Variants in PRORP observed in about 807,000 individuals in gnomAD.
The protein encoded by PRORP is protein only RNase P catalytic subunit.
In PRORP, 51 loss-of-function variants were observed where a neutral mutation model predicts 59.4. The ratio of observed to expected loss-of-function variants is 0.86; its 90% confidence interval spans 0.69 to 1.08. PRORP has a LOEUF of 1.08. Among genes scored for constraint, PRORP ranks in the 50% least tolerant of loss-of-function variants. PRORP has a pLI of 0.00. For missense variants in PRORP, 646 were observed against 690.3 expected (o/e 0.94, Z 0.72); for synonymous variants, 231 against 245.6 (o/e 0.94, Z 0.55).
intron 4 of PRORP, among the ~76,000 whole-genome samples, chr14:35,131,841 C>CT (rs1239696768): frequency 2.7e-5 from 4 of 146,948 alleles, no homozygotes; most frequent in African/African-American, 1.0e-4. Flanking sequence ...CCAATCCTTT[C>CT]TTTTTTTCTT....
chr14:35,213,076 C>T (rs1334808288), intron 5 of PRORP, among the ~76,000 whole-genome samples: 1 of 152,186 alleles, frequency 6.6e-6, no homozygotes, highest in Non-Finnish European at 1.5e-5. Context: ...AGCTTTTCTT[C>T]TGCAGCTTTC....
intron 5 of PRORP, chr14:35,262,921 C>G: frequency 6.3e-7 from 1 of 1,585,048 alleles, no homozygotes; most frequent in South Asian, 1.1e-5. Flanking sequence ...GAGCTTGTTT[C>G]CAATTTAGAG....
At chr14:35,223,456 C>CTTTT (rs5807819) in intron 5 of PRORP, among the ~76,000 whole-genome samples, 3 of 81,456 alleles carry the variant, frequency 3.7e-5, no homozygotes, top group Non-Finnish European at 7.1e-5. Context: ...TAGACTTTAA[C>CTTTT]TTTTTTTTTT....
chr14:35,169,655 C>G (rs80278420), intron 4 of PRORP, among the ~76,000 whole-genome samples: 1 of 152,026 alleles, frequency 6.6e-6, no homozygotes, highest in East Asian at 1.9e-4. Flanking sequence ...TGGAAGAAAC[C>G]ACCCCCATAA....
intron 5 of PRORP, among the ~76,000 whole-genome samples, chr14:35,200,623 C>A (rs2049124416): frequency 1.3e-5 from 2 of 151,380 alleles, no homozygotes; most frequent in Non-Finnish European, 2.9e-5. Flanking sequence ...GAATAATTGA[C>A]TTTTATGATA....
chr14:35,224,887 C>CA lies in PRORP; in HGVS notation c.1276-41840_1276-41839insA, dbSNP rs2049894098. On this transcript the variant is annotated intron_variant, in intron 5 of 7. Coordinates refer to ENST00000534898, the MANE Select transcript of PRORP (RefSeq NM_014672.4). ...TTTGTGTATATTTGACAATGAACTC[C>CA]TTTTTTTTTTGGTCACATGTGTTCT... Among the ~76,000 whole-genome samples, 3 of 147,878 alleles carry CA rather than the reference C, an allele frequency of 2.0e-5. No individual in the cohort carries two copies. The South Asian group carries it at 6.4e-4, about 32-fold the overall frequency.
chr14:35,226,651 A>G (rs2049941884), intron 5 of PRORP, among the ~76,000 whole-genome samples: 1 of 152,212 alleles, frequency 6.6e-6, no homozygotes, highest in African/African-American at 2.4e-5. Flanking sequence ...TGGCAACTTT[A>G]CTGTGACGAG....
intron 5 of PRORP, among the ~76,000 whole-genome samples, chr14:35,241,239 A>G (rs2138544137): frequency 6.6e-6 from 1 of 152,126 alleles, no homozygotes; most frequent in South Asian, 2.1e-4. Flanking sequence ...TTAGTGGGGT[A>G]TGGTGGCACA....
At chr14:35,174,517 G>A (rs1003839658) in intron 4 of PRORP, among the ~76,000 whole-genome samples, 2 of 152,106 alleles carry the variant, frequency 1.3e-5, no homozygotes, top group East Asian at 1.9e-4. Context: ...TGCTAGGCAT[G>A]TAGTAGGTGC....
chr14:35,172,777 A>C (rs1210955071), intron 4 of PRORP, among the ~76,000 whole-genome samples: 1 of 151,886 alleles, frequency 6.6e-6, no homozygotes, highest in Admixed American at 6.6e-5. Context: ...CATGTTGGCC[A>C]GGATGGTCTT....
intron 5 of PRORP, 111 bp from the exon 6 acceptor site, chr14:35,266,616 C>G: frequency 9.1e-7 from 1 of 1,101,188 alleles, no homozygotes; most frequent in South Asian, 1.5e-5. Flanking sequence ...GTTTTCTTAC[C>G]CCCTACCAGA....
chr14:35,192,408 G>A (rs957298503), intron 5 of PRORP, among the ~76,000 whole-genome samples: 3 of 152,160 alleles, frequency 2.0e-5, no homozygotes, highest in African/African-American at 7.2e-5. Context: ...CTAGAGATGA[G>A]TTTCAACATG....
intron 5 of PRORP, among the ~76,000 whole-genome samples, chr14:35,204,410 A>G (rs1371454246): frequency 6.6e-6 from 1 of 152,228 alleles, no homozygotes; most frequent in Non-Finnish European, 1.5e-5. Flanking sequence ...TAGTTACTTT[A>G]TGATTTTAAT....
intron 5 of PRORP, among the ~76,000 whole-genome samples, chr14:35,237,566 T>G (rs576004300): frequency 6.6e-6 from 1 of 152,302 alleles, no homozygotes; most frequent in African/African-American, 2.4e-5. Context: ...GTAACTTAAA[T>G]CAATTTACAG....
At chr14:35,122,003 C>G (rs2046921009), upstream of PRORP, 3 of 1,608,716 alleles carry the variant, frequency 1.9e-6, no homozygotes, top group African/African-American at 1.3e-5. Flanking sequence ...TGTTTCCTAC[C>G]TGCTCCACCC....
chr14:35,130,816 T>TA (rs980603162), intron 4 of PRORP, among the ~76,000 whole-genome samples: 12 of 151,598 alleles, frequency 7.9e-5, no homozygotes, highest in East Asian at 1.9e-4. Flanking sequence ...TTTTTTTTTT[T>TA]AAATATAGAG....
intron 5 of PRORP, among the ~76,000 whole-genome samples, chr14:35,244,569 A>G (rs985573112): frequency 1.3e-5 from 2 of 151,938 alleles, no homozygotes; most frequent in Non-Finnish European, 2.9e-5. Context: ...TGCTATTTTT[A>G]TACCTCAAAA....
intron 4 of PRORP, among the ~76,000 whole-genome samples, chr14:35,153,472 C>G (rs1261824871): frequency 1.3e-5 from 2 of 152,024 alleles, no homozygotes; most frequent in African/African-American, 4.8e-5. Flanking sequence ...TTTTGCTAAA[C>G]CTCAGAGAGG....
chr14:35,195,133 T>C (rs2048977393), intron 5 of PRORP, among the ~76,000 whole-genome samples: 1 of 152,198 alleles, frequency 6.6e-6, no homozygotes. Context: ...TAGGCCATAC[T>C]CTTTTATGCC....
Sources: gnomAD v4.1 joint callset for allele counts (sites outside exome capture counted in the v4.1 genomes callset) on GRCh38, gnomAD v4.1.1 for gene constraint, MANE v1.5 for transcripts, NCBI Gene and HGNC (gene_info 2026-07-23, HGNC 2026-07-21) for gene names.